CYRIB: variants seen among roughly 807,000 people sequenced by gnomAD.
CYRIB encodes the protein CYFIP related Rac1 interactor B.
In CYRIB, 8 loss-of-function variants were observed where a neutral mutation model predicts 44.2. That is an observed-to-expected ratio of 0.18 (90% confidence interval 0.11 to 0.33). The LOEUF (loss-of-function observed/expected upper bound fraction) is 0.33, where lower values mean the gene tolerates loss of function less well. Ranked by LOEUF, CYRIB falls within the 10% of genes least tolerant of loss-of-function variation. The probability of loss-of-function intolerance (pLI) is 1.00; values close to 1 mark genes in which losing one functional copy is unlikely to be tolerated. For synonymous variants in CYRIB, 131 were observed against 127.2 expected, an observed-to-expected ratio of 1.03 and a Z score of -0.20; for missense variants, 185 against 382.8, an observed-to-expected ratio of 0.48 and a Z score of 4.31.
chr8:129,863,303 G>T (rs1303328248), intron 4 of CYRIB, among the ~76,000 whole-genome samples: 1 of 152,126 alleles, frequency 6.6e-6, no homozygotes, highest in African/African-American at 2.4e-5. Flanking sequence ...GAGGCAGGCG[G>T]ATCACAAGGT....
At chr8:129,884,230 A>G (rs2061847695) in intron 2 of CYRIB, among the ~76,000 whole-genome samples, 1 of 152,088 alleles carries the variant, frequency 6.6e-6, no homozygotes, top group African/African-American at 2.4e-5. Context: ...TCTAAAGGAG[A>G]CTAGTAAGAT....
chr8:129,924,303 G>A lies in CYRIB; in HGVS notation c.-50+15305C>T, dbSNP rs368644884. Among the ~76,000 whole-genome samples, 3 of 62,766 alleles carry A rather than the reference G, an allele frequency of 4.8e-5. 1 individual carries two copies. Among genetic ancestry groups the A allele is most frequent in the African/African-American group, 1.2e-4 (3 of 24,066 alleles). 41.2% of individuals were successfully genotyped at this position (62,766 alleles called of 152,430 possible). ...AAAAAAAAAAAACCGGGGGGGGGGG[G>A]GGTGGCGGGGGGGGTGTTACTTACC... On this transcript the variant is annotated intron_variant, in intron 1 of 11. Transcript: ENST00000519824.
chr8:129,933,544 C>G (rs2092136301), intron 1 of CYRIB, among the ~76,000 whole-genome samples: 1 of 152,114 alleles, frequency 6.6e-6, no homozygotes, highest in Admixed American at 6.5e-5. Flanking sequence ...TGGACCAATT[C>G]AATGTGCTTA....
intron 9 of CYRIB, chr8:129,849,588 G>A (rs988377152): frequency 7.5e-6 from 3 of 397,538 alleles, no homozygotes; most frequent in Non-Finnish European, 1.3e-5. Context: ...ATTCTTTAAT[G>A]AGGTGATTCA....
chr8:129,906,992 A>C (rs1470884894), intron 1 of CYRIB, among the ~76,000 whole-genome samples: 1 of 152,198 alleles, frequency 6.6e-6, no homozygotes, highest in South Asian at 2.1e-4. Flanking sequence ...ACACTTTTAC[A>C]CTGTTGGTGG....
chr8:129,929,241 A>G (rs1227571424), intron 1 of CYRIB, among the ~76,000 whole-genome samples: 6 of 152,104 alleles, frequency 3.9e-5, no homozygotes, highest in African/African-American at 1.4e-4. Context: ...TGAGAGAGTG[A>G]GGGAGAGAGT....
intron 1 of CYRIB, among the ~76,000 whole-genome samples, chr8:130,011,641 C>T (rs71522562): frequency 0.18 from 27,445 of 151,188 alleles, 3,066 homozygotes; most frequent in East Asian, 0.31. Flanking sequence ...CACGGTAAAA[C>T]CCCATCTCTA....
At chr8:129,915,570 T>C (rs995728700) in intron 1 of CYRIB, among the ~76,000 whole-genome samples, 2 of 152,160 alleles carry the variant, frequency 1.3e-5, no homozygotes, top group African/African-American at 2.4e-5. Flanking sequence ...GTAGGGTGGA[T>C]AGATTTGAAG....
In CYRIB at chr8:129,960,671, G is replaced by T. The variant is rs922121882; in HGVS notation, c.-243+10272C>A. On this transcript the variant is annotated intron_variant, in intron 2 of 14. Coordinates refer to the CYRIB transcript ENST00000401979. ...CAAGAAAAAAAAAAAAAAAAAAAAG[G>T]CTGGGCATGGTGGCTCATGCCTGTA... 3.0e-5 allele frequency among the ~76,000 whole-genome samples: 4 copies of T among 134,550 alleles called. No individual in the cohort carries two copies. In the Admixed American group the frequency reaches 3.1e-4, roughly 10 times the overall value. 88.3% of individuals were successfully genotyped at this position (134,550 alleles called of 152,430 possible). A position where few individuals can be genotyped will look rare whatever the true frequency, so the allele number is the denominator to read the frequency against.
intron 1 of CYRIB, among the ~76,000 whole-genome samples, chr8:129,927,946 A>G (rs1056431463): frequency 6.6e-6 from 1 of 152,188 alleles, no homozygotes; most frequent in Admixed American, 6.5e-5. Flanking sequence ...GGAAATCCAC[A>G]GGCAAAAAGT....
rs937779085 is a variant in CYRIB at position 130,011,390 on chromosome 8, A to G, written c.-296+4980T>C. On this transcript the variant is annotated intron_variant, in intron 1 of 14. Transcript: ENST00000401979. ...ACAAAAATTAGCCTGGTGTGGTGGT[A>G]CGCGCCTGTAATCCCAGCTACTCGG... Among the ~76,000 whole-genome samples, 4 of 152,204 alleles carry G rather than the reference A, an allele frequency of 2.6e-5. 1 individual carries two copies. The South Asian group carries it at 8.3e-4, about 32-fold the overall frequency.
chr8:129,889,263 G>A (rs1018177218), intron 2 of CYRIB, among the ~76,000 whole-genome samples: 2 of 152,006 alleles, frequency 1.3e-5, no homozygotes, highest in South Asian at 2.1e-4. Flanking sequence ...AAAAATATTC[G>A]TTTCAATAAA....
chr8:129,934,890 G>C (rs1022304345), intron 1 of CYRIB, among the ~76,000 whole-genome samples: 1 of 152,188 alleles, frequency 6.6e-6, no homozygotes, highest in African/African-American at 2.4e-5. Flanking sequence ...CTTAGTTATA[G>C]ATTAAAAGAA....
intron 2 of CYRIB, among the ~76,000 whole-genome samples, chr8:129,883,020 A>C (rs1588490752): frequency 6.8e-6 from 1 of 147,636 alleles, no homozygotes; most frequent in South Asian, 2.1e-4. Context: ...ACACAGTGAA[A>C]CCCCGTCTCT....
chr8:129,988,192 C>T (rs2096533369), intron 1 of CYRIB, among the ~76,000 whole-genome samples: 1 of 152,162 alleles, frequency 6.6e-6, no homozygotes, highest in Non-Finnish European at 1.5e-5. Context: ...TACGTGATAC[C>T]CGGATGGCCT....
chr8:129,856,183 C>G (rs1475098193), intron 5 of CYRIB, among the ~76,000 whole-genome samples: 1 of 152,194 alleles, frequency 6.6e-6, no homozygotes, highest in East Asian at 1.9e-4. Flanking sequence ...AATCAATTAC[C>G]AATTTCTCAT....
intron 1 of CYRIB, among the ~76,000 whole-genome samples, chr8:130,011,470 G>A (rs966982359): frequency 4.0e-5 from 6 of 151,766 alleles, no homozygotes; most frequent in Admixed American, 6.6e-5. Context: ...GCGGTGAGCT[G>A]AGATCATGCC....
intron 1 of CYRIB, among the ~76,000 whole-genome samples, chr8:130,003,905 A>C (rs1024721533): frequency 1.3e-5 from 2 of 152,112 alleles, no homozygotes; most frequent in Non-Finnish European, 2.9e-5. Context: ...TTTCAGATCA[A>C]CTCCTGGATG....
chr8:129,894,037 T>G (rs1195017850), intron 2 of CYRIB, among the ~76,000 whole-genome samples: 1 of 152,248 alleles, frequency 6.6e-6, no homozygotes, highest in Non-Finnish European at 1.5e-5. Context: ...TATTACATAC[T>G]ATTGGATTAT....
Sources: allele counts gnomAD v4.1 joint callset (sites outside exome capture counted in the v4.1 genomes callset), GRCh38; gene constraint gnomAD v4.1.1; transcripts MANE v1.5; gene names NCBI Gene and HGNC (gene_info 2026-07-23, HGNC 2026-07-21).